Variants in PRKAG2 observed in about 807,000 individuals in gnomAD.
PRKAG2 encodes the protein protein kinase AMP-activated non-catalytic subunit gamma 2, also known as 5'-AMP-activated protein kinase subunit gamma-2.
A neutral mutation model predicts 69.6 loss-of-function variants in PRKAG2; 26 were observed. That is an observed-to-expected ratio of 0.37 (90% CI 0.27 to 0.52). The LOEUF is 0.52. Among genes scored for constraint, PRKAG2 ranks in the 20% least tolerant of loss-of-function variants. The pLI, the probability that PRKAG2 is intolerant of heterozygous loss-of-function variation, is 0.90. For missense variants in PRKAG2, 557 were observed against 740.0 expected (o/e 0.75, Z 2.87); for synonymous variants, 293 against 285.0 (o/e 1.03, Z -0.28).
intron 1 of PRKAG2, among the ~76,000 whole-genome samples, chr7:151,798,058 G>A (rs1247988853): frequency 2.0e-5 from 3 of 152,222 alleles, no homozygotes; most frequent in African/African-American, 7.2e-5. Context: ...AGGCTGGAAT[G>A]CAATGGCACA....
chr7:151,793,492 G>A (rs777920892), intron 1 of PRKAG2, among the ~76,000 whole-genome samples: 24 of 152,324 alleles, frequency 1.6e-4, no homozygotes, highest in Non-Finnish European at 2.9e-4. Flanking sequence ...TCTATCAGAC[G>A]CCCAGTGACC....
At chr7:151,767,734 T>A (rs2075814319) in intron 3 of PRKAG2, among the ~76,000 whole-genome samples, 1 of 152,234 alleles carries the variant, frequency 6.6e-6, no homozygotes. Flanking sequence ...CAGCTAATTG[T>A]TAAATCCTGT....
chr7:151,757,180 TAAATTAA>T (rs1343280278), intron 3 of PRKAG2, among the ~76,000 whole-genome samples: 1 of 152,214 alleles, frequency 6.6e-6, no homozygotes, highest in African/African-American at 2.4e-5. Context: ...TCAGAGGCTC[TAAATTAA>T]AGTCTTAAAA....
chr7:151,802,950 A>ATAT (rs10664155), intron 1 of PRKAG2, among the ~76,000 whole-genome samples: 40,583 of 105,654 alleles, frequency 0.38, 5,938 homozygotes, highest in African/African-American at 0.51. Flanking sequence ...AAGCAATATG[A>ATAT]TATATATATA....
chr7:151,723,411 T>C (rs1343118904), intron 3 of PRKAG2, among the ~76,000 whole-genome samples: 1 of 152,190 alleles, frequency 6.6e-6, no homozygotes, highest in Non-Finnish European at 1.5e-5. Context: ...ACACTTCTAC[T>C]TATACAGATC....
chr7:151,718,246 G>T (rs1796475708), intron 3 of PRKAG2, among the ~76,000 whole-genome samples: 1 of 151,212 alleles, frequency 6.6e-6, no homozygotes, highest in Non-Finnish European at 1.5e-5. Context: ...TTCCTGGCTT[G>T]CAGACAGCCG....
At chr7:151,774,644 T>C (rs1178493835) in intron 3 of PRKAG2, among the ~76,000 whole-genome samples, 2 of 152,028 alleles carry the variant, frequency 1.3e-5, no homozygotes, top group Admixed American at 6.5e-5. Flanking sequence ...CTGTCTCTAC[T>C]AAAAATACAA....
At chr7:151,622,341 T>G (rs1821723919) in intron 5 of PRKAG2, among the ~76,000 whole-genome samples, 1 of 152,222 alleles carries the variant, frequency 6.6e-6, no homozygotes, top group Non-Finnish European at 1.5e-5. Context: ...ATATAATGGA[T>G]CTTTCTGTTG....
At chr7:151,584,812 G>A (rs543756214) in intron 6 of PRKAG2, among the ~76,000 whole-genome samples, 2 of 152,310 alleles carry the variant, frequency 1.3e-5, no homozygotes, top group African/African-American at 2.4e-5. Flanking sequence ...CAGGAGGATC[G>A]CTTGAGCCCA....
intron 3 of PRKAG2, among the ~76,000 whole-genome samples, chr7:151,686,399 G>C (rs1479145123): frequency 6.6e-6 from 1 of 152,130 alleles, no homozygotes; most frequent in Admixed American, 6.5e-5. Flanking sequence ...CCCTTCTATG[G>C]AAGAGCAAAT....
intron 5 of PRKAG2, among the ~76,000 whole-genome samples, chr7:151,629,934 T>G (rs969757746): frequency 1.2e-4 from 18 of 152,168 alleles, no homozygotes; most frequent in African/African-American, 4.3e-4. Context: ...TGATATTCAA[T>G]TTTCCTGTAT....
At chr7:151,585,248 G>A (rs1284377947) in intron 6 of PRKAG2, among the ~76,000 whole-genome samples, 3 of 152,138 alleles carry the variant, frequency 2.0e-5, no homozygotes, top group African/African-American at 7.2e-5. Flanking sequence ...CAGGTTGAAC[G>A]TAAGTGATAT....
intron 4 of PRKAG2, among the ~76,000 whole-genome samples, chr7:151,658,156 C>CATAAATAAATAAATAAATAA (rs763621170): frequency 1.5e-4 from 18 of 120,846 alleles, no homozygotes; most frequent in East Asian, 4.9e-4. Context: ...GAGTCCGTCT[C>CATAAATAAATAAATAAATAA]ATAAATAAAT....
chr7:151,815,445 C>T (rs1021474049), intron 1 of PRKAG2, among the ~76,000 whole-genome samples: 4 of 152,184 alleles, frequency 2.6e-5, no homozygotes, highest in African/African-American at 9.7e-5. Flanking sequence ...TCTCACACCC[C>T]AGGCCATCAC....
intron 3 of PRKAG2, among the ~76,000 whole-genome samples, chr7:151,737,904 C>A (rs1027066188): frequency 6.6e-6 from 1 of 151,096 alleles, no homozygotes; most frequent in Non-Finnish European, 1.5e-5. Flanking sequence ...GGGCCTCCAT[C>A]CACAGAAGCC....
At chr7:151,735,861 GA>G (rs1208237764) in intron 3 of PRKAG2, 2 of 1,535,884 alleles carry the variant, frequency 1.3e-6, no homozygotes, top group African/African-American at 2.7e-5. Context: ...CCCTCCCAAG[GA>G]CAGACCACCA....
In PRKAG2 at chr7:151,807,036, G is replaced by A; in HGVS notation, c.115-20495C>T. 4.4e-6 allele frequency: 2 copies of A among 452,030 alleles called. No homozygotes were observed. Among genetic ancestry groups the A allele is most frequent in the Non-Finnish European group, 4.4e-6 (1 of 224,890 alleles). 28.0% of individuals were successfully genotyped at this position (452,030 alleles called of 1,614,324 possible). ...TTGCGCTGGACATGGGATACACAAA[G>A]GTAAGACATGGACCCACCCTCAAGT... On this transcript the variant is annotated intron_variant, in intron 1 of 15. Transcript: ENST00000287878. The surrounding 1 kb of genome is among the most constrained non-coding windows in gnomAD (Gnocchi z 4.4).
intron 6 of PRKAG2, among the ~76,000 whole-genome samples, chr7:151,579,080 A>G (rs1809721099): frequency 6.6e-6 from 1 of 152,098 alleles, no homozygotes; most frequent in Non-Finnish European, 1.5e-5. Flanking sequence ...ACCTTGGCTC[A>G]TTGTTTCCTC....
chr7:151,602,370 TAA>T (rs1816324406), intron 5 of PRKAG2, among the ~76,000 whole-genome samples: 1 of 152,176 alleles, frequency 6.6e-6, no homozygotes, highest in African/African-American at 2.4e-5. Context: ...AGAATTTTCA[TAA>T]AAGAGGTACA....
Sources: allele counts gnomAD v4.1 joint callset (sites outside exome capture counted in the v4.1 genomes callset), GRCh38; gene constraint gnomAD v4.1.1; non-coding constraint Gnocchi (gnomAD v3.1); transcripts MANE v1.5; gene names NCBI Gene and HGNC (gene_info 2026-07-23, HGNC 2026-07-21).